HMCN1: variants seen among roughly 807,000 people sequenced by gnomAD.
HMCN1 encodes hemicentin 1.
Under a neutral mutation model 625.9 loss-of-function variants are expected in HMCN1, and 321 were observed. The ratio of observed to expected loss-of-function variants is 0.51; its 90% CI spans 0.47 to 0.56. The LOEUF is 0.56. Ranked by LOEUF, HMCN1 falls within the 20% of genes least tolerant of loss-of-function variation. The pLI, the probability that HMCN1 is intolerant of heterozygous loss-of-function variation, is 0.00. For synonymous variants in HMCN1, 2,425 were observed against 2,417.6 expected (o/e 1.00, Z -0.09); for missense variants, 6,588 against 6,887.3 (o/e 0.96, Z 1.54).
intron 97 of HMCN1, among the ~76,000 whole-genome samples, chr1:186,159,133 A>G (rs1651250257): frequency 6.6e-6 from 1 of 151,134 alleles, no homozygotes; most frequent in African/African-American, 2.4e-5. Flanking sequence ...GTTCTCCTTG[A>G]AGAGGTCCTT....
intron 69 of HMCN1, 49 bp from the exon 70 acceptor site, chr1:186,106,835 C>A (rs1479454600): frequency 1.6e-6 from 2 of 1,272,540 alleles, no homozygotes; most frequent in South Asian, 1.2e-5. Flanking sequence ...ATTTTAATAA[C>A]AAAAGCTAAC....
intron 68 of HMCN1, among the ~76,000 whole-genome samples, chr1:186,101,342 CTAAT>C: frequency 6.6e-6 from 1 of 151,946 alleles, no homozygotes; most frequent in Non-Finnish European, 1.5e-5. Flanking sequence ...GCTTATGTGA[CTAAT>C]TGGTAAATTC....
chr1:185,743,258 T>G (rs1249967107), intron 1 of HMCN1, among the ~76,000 whole-genome samples: 1 of 152,240 alleles, frequency 6.6e-6, no homozygotes, highest in African/African-American at 2.4e-5. Flanking sequence ...GGTATTTTTA[T>G]CCTGCCTTTC....
intron 1 of HMCN1, among the ~76,000 whole-genome samples, chr1:185,769,641 T>C (rs960104790): frequency 6.6e-6 from 1 of 151,972 alleles, no homozygotes; most frequent in African/African-American, 2.4e-5. Context: ...TAAATGGTGG[T>C]TTTTTAAGAC....
chr1:186,086,613 C>T (rs1417488409), intron 58 of HMCN1, among the ~76,000 whole-genome samples: 1 of 152,050 alleles, frequency 6.6e-6, no homozygotes, highest in South Asian at 2.1e-4. Flanking sequence ...ATAACAAGGT[C>T]TCCTTCAAGA....
intron 19 of HMCN1, 108 bp downstream of exon 19, chr1:185,984,421 T>G: frequency 9.4e-7 from 1 of 1,067,354 alleles, no homozygotes; most frequent in Non-Finnish European, 1.5e-6. Context: ...ATATCTCTCT[T>G]AATTGTTATT....
intron 41 of HMCN1, 115 bp from the exon 42 acceptor site, chr1:186,048,628 T>C (rs915037026): frequency 1.8e-5 from 13 of 715,624 alleles, no homozygotes; most frequent in Non-Finnish European, 3.2e-5. Flanking sequence ...TTGTCTATTT[T>C]TTATATGTAT....
At chr1:185,804,679 C>T (rs1238881299) in intron 1 of HMCN1, among the ~76,000 whole-genome samples, 1 of 152,130 alleles carries the variant, frequency 6.6e-6, no homozygotes, top group African/African-American at 2.4e-5. Context: ...ACCATTACTT[C>T]ATTTTGTGTC....
intron 3 of HMCN1, 41 bp from the exon 4 acceptor site, chr1:185,865,700 G>T: frequency 3.8e-6 from 6 of 1,564,486 alleles, no homozygotes; most frequent in Non-Finnish European, 4.3e-6. Context: ...TTTATTTCTG[G>T]AAACCCTTTA....
chr1:185,859,467 T>A (rs1205777260), intron 2 of HMCN1, among the ~76,000 whole-genome samples: 1 of 152,178 alleles, frequency 6.6e-6, no homozygotes, highest in East Asian at 1.9e-4. Flanking sequence ...ATCCAAAATA[T>A]TTTGATATGT....
intron 57 of HMCN1, among the ~76,000 whole-genome samples, chr1:186,083,709 A>G (rs1162940364): frequency 1.3e-5 from 2 of 152,184 alleles, no homozygotes; most frequent in Admixed American, 1.3e-4. Context: ...TGCCTTCTAA[A>G]GGACTTTTAT....
intron 1 of HMCN1, among the ~76,000 whole-genome samples, chr1:185,747,325 T>C (rs1263911788): frequency 6.6e-6 from 1 of 151,512 alleles, no homozygotes; most frequent in South Asian, 2.1e-4. Flanking sequence ...CCTGTTACTT[T>C]TTTTTTTTTT....
intron 11 of HMCN1, among the ~76,000 whole-genome samples, chr1:185,954,825 A>G (rs903529961): frequency 1.4e-4 from 21 of 152,090 alleles, no homozygotes; most frequent in Non-Finnish European, 2.8e-4. Context: ...TCAATTTTTT[A>G]AAAATGGAAT....
At chr1:185,772,214 T>C (rs1208110166) in intron 1 of HMCN1, among the ~76,000 whole-genome samples, 1 of 152,204 alleles carries the variant, frequency 6.6e-6, no homozygotes, top group Non-Finnish European at 1.5e-5. Context: ...CTGAAGATTT[T>C]CAATTTAGTT....
chr1:185,988,279 A>G (rs1652144986), intron 20 of HMCN1, among the ~76,000 whole-genome samples: 1 of 152,214 alleles, frequency 6.6e-6, no homozygotes, highest in South Asian at 2.1e-4. Flanking sequence ...GTATTCTTGC[A>G]GTAAAGAAAA....
chr1:186,058,209 C>T (rs560194314), intron 46 of HMCN1, among the ~76,000 whole-genome samples: 5 of 152,038 alleles, frequency 3.3e-5, no homozygotes, highest in South Asian at 4.1e-4. Flanking sequence ...TTTGCACTTA[C>T]GGTCAAACCA....
chr1:185,855,022 T>A (rs1662380793), intron 2 of HMCN1, among the ~76,000 whole-genome samples: 1 of 152,160 alleles, frequency 6.6e-6, no homozygotes. Context: ...GAGTCTTGAC[T>A]AGCAGAGAGG....
chr1:186,051,961 G>A (rs925893610), intron 42 of HMCN1, among the ~76,000 whole-genome samples: 1 of 151,994 alleles, frequency 6.6e-6, no homozygotes, highest in Admixed American at 6.6e-5. Flanking sequence ...CTATGGTATG[G>A]CTTCTGATGG....
At chr1:185,769,972 C>T (rs1047641738) in intron 1 of HMCN1, among the ~76,000 whole-genome samples, 1 of 152,144 alleles carries the variant, frequency 6.6e-6, no homozygotes, top group African/African-American at 2.4e-5. Flanking sequence ...TTGGTCAAAA[C>T]AAGTAACATG....
Sources: allele counts gnomAD v4.1 joint callset (sites outside exome capture counted in the v4.1 genomes callset), GRCh38; gene constraint gnomAD v4.1.1; transcripts MANE v1.5; gene names NCBI Gene and HGNC (gene_info 2026-07-23, HGNC 2026-07-21).